The following MACROD2 variants were observed in gnomAD, a reference collection of about 807,000 sequenced individuals.
MACROD2 encodes the protein ADP-ribose glycohydrolase MACROD2.
MACROD2 carries 36 observed loss-of-function variants against 70.4 expected under a neutral mutation model. The ratio of observed to expected loss-of-function variants is 0.51; its 90% CI spans 0.39 to 0.68. The LOEUF (loss-of-function observed/expected upper bound fraction) is 0.68. Among genes scored for constraint, MACROD2 ranks in the 30% least tolerant of loss-of-function variants. The probability of loss-of-function intolerance (pLI) is 0.00; values close to 1 mark genes in which losing one functional copy is unlikely to be tolerated. For missense variants in MACROD2, 496 were observed against 538.4 expected, an observed-to-expected ratio of 0.92 and a Z score of 0.78; for synonymous variants, 172 against 178.8, an observed-to-expected ratio of 0.96 and a Z score of 0.30.
chr20:15,369,256 A>G (rs555640657), intron 6 of MACROD2, among the ~76,000 whole-genome samples: 1 of 152,336 alleles, frequency 6.6e-6, no homozygotes, highest in African/African-American at 2.4e-5. Flanking sequence ...ATAAAATGGA[A>G]AATTGAAAGT....
intron 8 of MACROD2, among the ~76,000 whole-genome samples, chr20:15,798,149 T>C (rs974948172): frequency 2.0e-5 from 3 of 152,248 alleles, no homozygotes; most frequent in Non-Finnish European, 4.4e-5. Context: ...GTTTCAGTTA[T>C]TGTGGTAGTA....
chr20:15,389,488 A>G (rs768295324), intron 6 of MACROD2, among the ~76,000 whole-genome samples: 1 of 152,204 alleles, frequency 6.6e-6, no homozygotes, highest in Non-Finnish European at 1.5e-5. Context: ...CTGATGCCAG[A>G]ATTTTCCCTG....
In MACROD2 at chr20:16,051,289, T is replaced by A. The variant is rs969257256; in HGVS notation, c.*1413T>A. On this transcript the variant is annotated 3_prime_UTR_variant, in exon 18 of 18. Coordinates refer to ENST00000684519, the MANE Select transcript of MACROD2 (RefSeq NM_001351661.2). ...AGGGAGAAAAATAGTGGATTATTAT[T>A]TCTAAAATAAAAGGATGTTCTGCTT... is the stretch of plus-strand genomic sequence containing the variant. 4 of 152,224 alleles carry A rather than the reference T, an allele frequency of 2.6e-5. No homozygotes were observed. Among genetic ancestry groups the A allele is most frequent in the African/African-American group, 9.6e-5 (4 of 41,460 alleles). The allele number at this position is 152,224 out of a possible 1,614,324, so 9.4% of individuals were successfully genotyped here.
At chr20:14,401,714 G>C (rs543771335) in intron 3 of MACROD2, among the ~76,000 whole-genome samples, 23 of 152,008 alleles carry the variant, frequency 1.5e-4, no homozygotes, top group African/African-American at 5.3e-4. Flanking sequence ...ATCTCATGGT[G>C]GTTTTGTTGG....
intron 3 of MACROD2, among the ~76,000 whole-genome samples, chr20:14,302,158 TATC>T (rs1300401547): frequency 3.9e-5 from 6 of 152,180 alleles, no homozygotes; most frequent in Non-Finnish European, 8.8e-5. Context: ...GAAATCTAGA[TATC>T]ATCATGCTGG....
chr20:14,265,146 C>A (rs2082133515), intron 3 of MACROD2, among the ~76,000 whole-genome samples: 1 of 152,126 alleles, frequency 6.6e-6, no homozygotes, highest in African/African-American at 2.4e-5. Flanking sequence ...ACCTTAGGGT[C>A]CAGTTTTTAG....
intron 8 of MACROD2, among the ~76,000 whole-genome samples, chr20:15,702,901 C>T (rs1184500192): frequency 6.6e-6 from 1 of 152,116 alleles, no homozygotes; most frequent in Non-Finnish European, 1.5e-5. Context: ...ACTATAAGGC[C>T]ACAGTAACCT....
intron 4 of MACROD2, among the ~76,000 whole-genome samples, chr20:14,587,770 A>G (rs1471600185): frequency 1.3e-5 from 2 of 152,042 alleles, no homozygotes; most frequent in Non-Finnish European, 2.9e-5. Context: ...ATCATGATAC[A>G]TTAATCTTTT....
intron 5 of MACROD2, among the ~76,000 whole-genome samples, chr20:15,214,336 G>T (rs1170826667): frequency 6.6e-6 from 1 of 152,016 alleles, no homozygotes; most frequent in Non-Finnish European, 1.5e-5. Flanking sequence ...AATATTCCAT[G>T]GACTCTAAGT....
intron 3 of MACROD2, among the ~76,000 whole-genome samples, chr20:14,319,748 C>T (rs2082642323): frequency 6.6e-6 from 1 of 152,010 alleles, no homozygotes; most frequent in Non-Finnish European, 1.5e-5. Context: ...TATTTTCTTT[C>T]TGTGATTATT....
intron 8 of MACROD2, among the ~76,000 whole-genome samples, chr20:15,682,988 AT>A (rs1481229940): frequency 2.6e-5 from 4 of 152,210 alleles, no homozygotes; most frequent in Non-Finnish European, 5.9e-5. Flanking sequence ...CCTGCTAAAA[AT>A]GACCCCAGGA....
At chr20:14,374,526 G>A (rs892405020) in intron 3 of MACROD2, among the ~76,000 whole-genome samples, 8 of 152,060 alleles carry the variant, frequency 5.3e-5, no homozygotes. Flanking sequence ...GAGCATATTC[G>A]ATATGGCAAA....
At chr20:14,465,379 A>G (rs1365086661) in intron 3 of MACROD2, among the ~76,000 whole-genome samples, 2 of 151,604 alleles carry the variant, frequency 1.3e-5, no homozygotes, top group Admixed American at 6.6e-5. Context: ...TTTGTTTTCC[A>G]TTGGCTTGGT....
chr20:15,266,721 A>T (rs886374530), intron 6 of MACROD2, among the ~76,000 whole-genome samples: 1 of 152,144 alleles, frequency 6.6e-6, no homozygotes, highest in Admixed American at 6.5e-5. Context: ...AATCCTAAAG[A>T]TGGCTTTCAA....
intron 4 of MACROD2, among the ~76,000 whole-genome samples, chr20:14,544,638 C>T (rs1259499158): frequency 6.6e-6 from 1 of 152,074 alleles, no homozygotes; most frequent in Non-Finnish European, 1.5e-5. Flanking sequence ...GACAAAGATT[C>T]TCCTATAAGT....
chr20:14,274,617 A>G (rs912840798), intron 3 of MACROD2, among the ~76,000 whole-genome samples: 31 of 152,274 alleles, frequency 2.0e-4, no homozygotes, highest in African/African-American at 7.5e-4. Flanking sequence ...CACCACTCCT[A>G]TTCAACATAG....
chr20:14,671,612 A>C (rs2070795668), intron 4 of MACROD2, among the ~76,000 whole-genome samples: 1 of 152,150 alleles, frequency 6.6e-6, no homozygotes, highest in Non-Finnish European at 1.5e-5. Context: ...TCTGTAACTA[A>C]AAACTGCTCC....
intron 5 of MACROD2, among the ~76,000 whole-genome samples, chr20:15,035,544 T>C (rs2075306485): frequency 6.6e-6 from 1 of 152,184 alleles, no homozygotes; most frequent in South Asian, 2.1e-4. Context: ...AACTCACCCT[T>C]TCCCCACCCA....
At chr20:14,155,916 CT>C (rs2055095888) in intron 3 of MACROD2, among the ~76,000 whole-genome samples, 1 of 152,142 alleles carries the variant, frequency 6.6e-6, no homozygotes, top group Admixed American at 6.5e-5. Flanking sequence ...AATCCCAGCA[CT>C]TTGGGTGGCC....
Sources: allele counts gnomAD v4.1 joint callset (sites outside exome capture counted in the v4.1 genomes callset), GRCh38; gene constraint gnomAD v4.1.1; transcripts MANE v1.5; gene names NCBI Gene and HGNC (gene_info 2026-07-23, HGNC 2026-07-21).